The following KIAA1217 variants were observed in gnomAD, a reference collection of about 807,000 sequenced individuals.
KIAA1217 encodes sickle tail protein homolog.
In KIAA1217, 88 loss-of-function variants were observed where a neutral mutation model predicts 163.9. The observed-to-expected ratio is 0.54, with a 90% confidence interval of 0.45 to 0.64. The LOEUF (loss-of-function observed/expected upper bound fraction) is 0.64, where lower values mean the gene tolerates loss of function less well. Ranked by LOEUF, KIAA1217 falls within the 30% of genes least tolerant of loss-of-function variation. The pLI, the probability that KIAA1217 is intolerant of heterozygous loss-of-function variation, is 0.00. For missense variants in KIAA1217, 2,372 were observed against 2,475.0 expected (o/e 0.96, Z 0.88); for synonymous variants, 903 against 923.1 (o/e 0.98, Z 0.39).
At chr10:23,942,350 A>T (rs561884400) in intron 1 of KIAA1217, among the ~76,000 whole-genome samples, 131 of 152,330 alleles carry the variant, frequency 8.6e-4, no homozygotes, top group African/African-American at 3.0e-3. Context: ...AAGAGAAATG[A>T]AAACTTTCAA....
intron 2 of KIAA1217, among the ~76,000 whole-genome samples, chr10:24,056,897 G>A (rs2060549845): frequency 6.6e-6 from 1 of 152,106 alleles, no homozygotes; most frequent in African/African-American, 2.4e-5. Flanking sequence ...AATGAAAAAT[G>A]TAATAATTAA....
chr10:23,975,384 C>T (rs1190722649), intron 1 of KIAA1217, among the ~76,000 whole-genome samples: 2 of 152,216 alleles, frequency 1.3e-5, no homozygotes, highest in African/African-American at 4.8e-5. Context: ...ATTAAGATTT[C>T]AACCTGCTGT....
rs559773270 is a variant in KIAA1217 at position 24,257,935 on chromosome 10, T to C, written c.354+38026T>C. ...GTCCTGCCTCCTAACTCCTTTCTCT[T>C]CCTTCAGTGGGCAACAAAGATGGCC... On this transcript the variant is annotated intron_variant, in intron 2 of 20. Coordinates refer to ENST00000376454, the MANE Select transcript of KIAA1217 (RefSeq NM_019590.5). Among the ~76,000 whole-genome samples, 11 of 152,238 alleles carry C rather than the reference T, an allele frequency of 7.2e-5. No individual in the cohort carries two copies. The South Asian group carries it at 2.3e-3, about 32-fold the overall frequency.
rs775335008 is a variant in KIAA1217 at position 24,520,169 on chromosome 10, G to T, written c.2224G>T (p.Ala742Ser). Residue 742 changes from alanine to serine, a missense_variant, in exon 11 of 21, where the codon GCC becomes TCC. Transcript: ENST00000376454. ...AGACTTGAAGAAGGACTCCACGGCA[G>T]CCAGCCGATTGGTTACTCTGAAAGA... ...VEDLKKDSTA[A>S]SRLVTLKDVE... is the part of the protein sequence containing the mutation. The T allele has an allele frequency of 1.2e-6, 2 of 1,614,104 alleles. No homozygotes were observed. The highest frequency in any genetic ancestry group is 1.3e-5 in the African/African-American group (1 of 75,038).
chr10:24,413,837 C>G (rs1243789756), intron 3 of KIAA1217, among the ~76,000 whole-genome samples: 1 of 152,178 alleles, frequency 6.6e-6, no homozygotes, highest in East Asian at 1.9e-4. Flanking sequence ...CACTTCCACC[C>G]CACTGCTCTC....
intron 1 of KIAA1217, among the ~76,000 whole-genome samples, chr10:23,982,020 A>C (rs1845786400): frequency 6.6e-6 from 1 of 151,754 alleles, no homozygotes; most frequent in Non-Finnish European, 1.5e-5. Context: ...AACCTCCCAA[A>C]AGCTGAGAAT....
intron 2 of KIAA1217, among the ~76,000 whole-genome samples, chr10:24,200,386 G>A (rs2067199716): frequency 6.6e-6 from 1 of 152,006 alleles, no homozygotes; most frequent in African/African-American, 2.4e-5. Flanking sequence ...CTTCTGGGCT[G>A]AAGTGATCCT....
chr10:24,185,233 G>A (rs1282830243), intron 2 of KIAA1217, among the ~76,000 whole-genome samples: 2 of 152,018 alleles, frequency 1.3e-5, no homozygotes, highest in Non-Finnish European at 2.9e-5. Context: ...AAAACCCACA[G>A]GTAACCTGCA....
At chr10:23,704,510 A>G (rs1236115854) in intron 1 of KIAA1217, among the ~76,000 whole-genome samples, 3 of 151,832 alleles carry the variant, frequency 2.0e-5, no homozygotes, top group Middle Eastern at 3.2e-3. Context: ...TTCTGTTTCT[A>G]TGGATTTGCT....
intron 1 of KIAA1217, among the ~76,000 whole-genome samples, chr10:23,749,029 C>T (rs1839587048): frequency 6.6e-6 from 1 of 152,308 alleles, no homozygotes; most frequent in East Asian, 1.9e-4. Context: ...TGCTGTTATA[C>T]CACATCTAAC....
intron 2 of KIAA1217, among the ~76,000 whole-genome samples, chr10:24,057,734 T>A (rs547529660): frequency 7.9e-5 from 12 of 151,590 alleles, no homozygotes; most frequent in African/African-American, 2.7e-4. Context: ...TCTTAGCCCA[T>A]TTTTAATCAG....
upstream of KIAA1217, among the ~76,000 whole-genome samples, chr10:24,207,616 T>C (rs1589908394): frequency 6.6e-6 from 1 of 152,366 alleles, no homozygotes; most frequent in East Asian, 1.9e-4. Flanking sequence ...CAAATCCCAC[T>C]GCCTCTATTC....
chr10:23,983,051 A>G (rs1564585625), intron 1 of KIAA1217, among the ~76,000 whole-genome samples: 1 of 151,968 alleles, frequency 6.6e-6, no homozygotes, highest in Non-Finnish European at 1.5e-5. Flanking sequence ...CAAGACTGGC[A>G]GTGAACCAGG....
At chr10:23,895,026 A>C (rs960917349) in intron 1 of KIAA1217, among the ~76,000 whole-genome samples, 4 of 152,156 alleles carry the variant, frequency 2.6e-5, no homozygotes, top group African/African-American at 9.7e-5. Context: ...TGGACCTAAA[A>C]CCATAAAAAC....
intron 5 of KIAA1217, among the ~76,000 whole-genome samples, chr10:24,462,203 A>T (rs1247666216): frequency 6.6e-6 from 1 of 151,650 alleles, no homozygotes; most frequent in Non-Finnish European, 1.5e-5. Flanking sequence ...TAACTAATAT[A>T]TAACTAATTA....
chr10:24,530,757 G>A (rs2072997274), intron 14 of KIAA1217, among the ~76,000 whole-genome samples: 1 of 152,130 alleles, frequency 6.6e-6, no homozygotes, highest in Admixed American at 6.6e-5. Flanking sequence ...AATCCGCTGG[G>A]CATGGTGGCA....
intron 2 of KIAA1217, among the ~76,000 whole-genome samples, chr10:24,378,963 T>G (rs1475676669): frequency 6.6e-6 from 1 of 152,220 alleles, no homozygotes; most frequent in Non-Finnish European, 1.5e-5. Flanking sequence ...TTTGATTTTC[T>G]TCAAGGATTA....
chr10:24,124,812 A>T (rs955375587), intron 2 of KIAA1217, among the ~76,000 whole-genome samples: 1 of 152,146 alleles, frequency 6.6e-6, no homozygotes, highest in African/African-American at 2.4e-5. Flanking sequence ...ATCCGTTCTA[A>T]ATTTAGTTTG....
intron 2 of KIAA1217, among the ~76,000 whole-genome samples, chr10:24,200,701 A>G (rs1268249718): frequency 6.6e-6 from 1 of 152,116 alleles, no homozygotes; most frequent in East Asian, 1.9e-4. Context: ...GGGAAATCTG[A>G]CTGGATCTCT....
Sources: allele counts gnomAD v4.1 joint callset (sites outside exome capture counted in the v4.1 genomes callset), GRCh38; gene constraint gnomAD v4.1.1; transcripts MANE v1.5; gene names NCBI Gene and HGNC (gene_info 2026-07-23, HGNC 2026-07-21).